The following EHBP1 variants were observed in gnomAD, a reference collection of about 807,000 sequenced individuals.
EHBP1 encodes the protein EH domain-binding protein 1.
In EHBP1, 55 loss-of-function variants were observed where a neutral mutation model predicts 144.0. That is an observed-to-expected ratio of 0.38 (90% CI 0.31 to 0.48). The LOEUF is 0.48. EHBP1 is among the 20% of genes least tolerant of loss of function. The pLI is 0.98. For synonymous variants in EHBP1, 469 were observed against 472.7 expected, an observed-to-expected ratio of 0.99 and a Z score of 0.10; for missense variants, 1,200 against 1,364.2, an observed-to-expected ratio of 0.88 and a Z score of 1.90.
intron 1 of EHBP1, among the ~76,000 whole-genome samples, chr2:62,698,925 C>T (rs2034190640): frequency 6.6e-6 from 1 of 152,244 alleles, no homozygotes; most frequent in African/African-American, 2.4e-5. Flanking sequence ...GGGCTACTTT[C>T]CCTTGGCTCA....
chr2:62,731,241 A>G (rs1010155594), intron 2 of EHBP1, among the ~76,000 whole-genome samples: 2 of 152,096 alleles, frequency 1.3e-5, no homozygotes, highest in Non-Finnish European at 2.9e-5. Flanking sequence ...TATAAAAGGA[A>G]TTGACTTTTA....
chr2:63,041,450 G>T (rs2061656923), intron 21 of EHBP1, among the ~76,000 whole-genome samples: 1 of 152,146 alleles, frequency 6.6e-6, no homozygotes. Flanking sequence ...TCTTCTCTAG[G>T]ATTTTGTACA....
chr2:62,887,166 TC>T (rs1411201619), intron 10 of EHBP1, among the ~76,000 whole-genome samples: 3 of 152,200 alleles, frequency 2.0e-5, no homozygotes, highest in African/African-American at 7.2e-5. Context: ...CCCAACATTG[TC>T]CCCATTCTAG....
rs13423360 is a variant in EHBP1, at chr2:62,885,415, A to G, written c.1185+10883A>G. Among the ~76,000 whole-genome samples the G allele has an allele frequency of 7.2e-4, 110 of 152,190 alleles. No individual in the cohort carries two copies. The Middle Eastern group carries it at 0.01, about 14-fold the overall frequency. Reference sequence around the variant, plus strand: ...ATATTTTTAAAAAAACAGCTTAAGAAAAAAGATCAATGTTTAGAGAAGTAA... The same window carrying G: ...ATATTTTTAAAAAAACAGCTTAAGAGAAAAGATCAATGTTTAGAGAAGTAA... On this transcript the variant is annotated intron_variant, in intron 10 of 22. Transcript: ENST00000431489.
At chr2:62,930,250 GACAAA>G (rs1456503442) in intron 10 of EHBP1, among the ~76,000 whole-genome samples, 1 of 151,832 alleles carries the variant, frequency 6.6e-6, no homozygotes, top group Non-Finnish European at 1.5e-5. Context: ...CCTGTCTCAA[GACAAA>G]ACAAAACAAA....
At chr2:62,974,394 T>C (rs1346706347) in intron 14 of EHBP1, among the ~76,000 whole-genome samples, 1 of 152,178 alleles carries the variant, frequency 6.6e-6, no homozygotes, top group African/African-American at 2.4e-5. Flanking sequence ...ACATGTGTAT[T>C]ATAGAAAATT....
At chr2:62,799,164 G>T (rs1481792703) in intron 5 of EHBP1, among the ~76,000 whole-genome samples, 1 of 152,120 alleles carries the variant, frequency 6.6e-6, no homozygotes, top group Non-Finnish European at 1.5e-5. Flanking sequence ...CTTTTATAGG[G>T]AGCTGTGTAG....
chr2:62,820,742 ATAT>A (rs2045910602), intron 5 of EHBP1, among the ~76,000 whole-genome samples: 4 of 45,388 alleles, frequency 8.8e-5, no homozygotes, highest in African/African-American at 2.7e-4. Context: ...TGTATAATAT[ATAT>A]ATATATATAT....
chr2:62,863,280 G>GTC lies in EHBP1; in HGVS notation c.758-1450_758-1449dup, dbSNP rs1353396151. Among the ~76,000 whole-genome samples the GTC allele has an allele frequency of 3.4e-5, 5 of 147,062 alleles. No homozygotes were observed. The East Asian group carries it at 7.8e-4, about 23-fold the overall frequency. The stretch of plus-strand genomic sequence containing the variant: ...AGCCTGGGCAACAGAGTGAGACTCC[G>GTC]TCACACACACACACACACACGTACC... On this transcript the variant is annotated intron_variant, in intron 8 of 22. Coordinates refer to ENST00000431489, the MANE Select transcript of EHBP1 (RefSeq NM_001142616.3).
At chr2:62,947,138 C>T (rs911424198) in intron 12 of EHBP1, among the ~76,000 whole-genome samples, 1 of 152,148 alleles carries the variant, frequency 6.6e-6, no homozygotes, top group African/African-American at 2.4e-5. Flanking sequence ...TATACATGCA[C>T]ACCAACTGAG....
intron 10 of EHBP1, among the ~76,000 whole-genome samples, chr2:62,920,087 CT>C (rs2054950172): frequency 6.6e-6 from 1 of 152,140 alleles, no homozygotes; most frequent in Admixed American, 6.6e-5. Flanking sequence ...ATGGCTAAAA[CT>C]TCCCAAATTT....
chr2:62,936,911 G>A (rs1324750215), intron 10 of EHBP1, among the ~76,000 whole-genome samples: 1 of 152,088 alleles, frequency 6.6e-6, no homozygotes, highest in Non-Finnish European at 1.5e-5. Flanking sequence ...CAATAACTGG[G>A]GAAAGTCTCC....
intron 1 of EHBP1, among the ~76,000 whole-genome samples, chr2:62,679,917 G>A (rs961818029): frequency 2.0e-5 from 3 of 152,158 alleles, no homozygotes; most frequent in South Asian, 4.1e-4. Context: ...TAAGGTGAAA[G>A]GGCAAGACAT....
At chr2:62,955,812 C>A (rs895922188) in intron 14 of EHBP1, 152 bp downstream of exon 14, 1 of 758,316 alleles carries the variant, frequency 1.3e-6, no homozygotes, top group Non-Finnish European at 2.0e-6. Flanking sequence ...AAGATAAATT[C>A]ATACTTGTAG....
intron 15 of EHBP1, among the ~76,000 whole-genome samples, chr2:62,986,752 T>C (rs2059209771): frequency 6.6e-6 from 1 of 152,154 alleles, no homozygotes; most frequent in African/African-American, 2.4e-5. Context: ...TTTTTCTTTA[T>C]TGTTTTCTTC....
rs144901127 is a variant in EHBP1, at chr2:62,760,327, C to A, written c.163-3939C>A. On this transcript the variant is annotated intron_variant, in intron 3 of 22. Coordinates refer to ENST00000431489, the MANE Select transcript of EHBP1 (RefSeq NM_001142616.3). ...TCTTAACTCAGCCAGGTTGTACAGC[C>A]CCAGAAGGAATATCAAAAAGCCAGA... Among the ~76,000 whole-genome samples the A allele has an allele frequency of 1.5e-3, 233 of 152,106 alleles. 1 individual carries two copies. Among genetic ancestry groups the A allele is most frequent in the African/African-American group, 5.2e-3 (217 of 41,516 alleles).
intron 10 of EHBP1, among the ~76,000 whole-genome samples, chr2:62,915,465 TTTTTA>T (rs2054536226): frequency 6.6e-6 from 1 of 152,126 alleles, no homozygotes; most frequent in South Asian, 2.1e-4. Flanking sequence ...AATTTTCTCT[TTTTTA>T]TTTTAGTAAT....
At chr2:63,022,068 C>T (rs1021310130) in intron 19 of EHBP1, among the ~76,000 whole-genome samples, 4 of 151,844 alleles carry the variant, frequency 2.6e-5, no homozygotes, top group African/African-American at 9.7e-5. Flanking sequence ...GCCCGGCATT[C>T]GAAACATTTT....
At chr2:63,015,305 A>G (rs2153264394) in intron 19 of EHBP1, among the ~76,000 whole-genome samples, 1 of 152,362 alleles carries the variant, frequency 6.6e-6, no homozygotes, top group East Asian at 1.9e-4. Flanking sequence ...TAACTTGGAC[A>G]ACCATAGTTT....
Sources: allele counts gnomAD v4.1 joint callset (sites outside exome capture counted in the v4.1 genomes callset), GRCh38; gene constraint gnomAD v4.1.1; transcripts MANE v1.5; gene names NCBI Gene and HGNC (gene_info 2026-07-23, HGNC 2026-07-21).